SKI: variants seen among roughly 807,000 people sequenced by gnomAD.
The protein encoded by SKI is ski oncogene.
In SKI, 23 loss-of-function variants were observed where a neutral mutation model predicts 59.3. The observed-to-expected ratio is 0.39, with a 90% confidence interval of 0.28 to 0.55. The LOEUF is 0.55. SKI is among the 20% of genes least tolerant of loss of function. The pLI, the probability that SKI is intolerant of heterozygous loss-of-function variation, is 0.67. For synonymous variants in SKI, 673 were observed against 488.6 expected (o/e 1.38, Z -4.98); for missense variants, 1,017 against 1,038.9 (o/e 0.98, Z 0.29).
At position 2,263,724 on chromosome 1, in the gene SKI, C is replaced by T. The variant is rs894896769; in HGVS notation, c.969+33989C>T. On this transcript the variant is annotated intron_variant, in intron 1 of 6. Coordinates refer to ENST00000378536, the MANE Select transcript of SKI (RefSeq NM_003036.4). ...AAATGTTTGGTGGGGGGACTGGGCG[C>T]GGTGGCTCATGCCTGTAATCCCAGC... Among the ~76,000 whole-genome samples, 9 of 151,408 alleles carry T rather than the reference C, an allele frequency of 5.9e-5. 1 individual carries two copies. The East Asian group carries it at 9.8e-4, about 16-fold the overall frequency.
At position 2,228,578 on chromosome 1, in the gene SKI, C is replaced by T. The variant is rs908074340; in HGVS notation, c.-189C>T. 6.8e-6 allele frequency: 1 copy of T among 147,836 alleles called. No homozygotes were observed. Among genetic ancestry groups the T allele is most frequent in the Non-Finnish European group, 1.4e-5 (1 of 69,224 alleles). The allele number at this position is 147,836 out of a possible 1,614,324, so 9.2% of individuals were successfully genotyped here. The stretch of plus-strand genomic sequence containing the variant: ...CGGCGGCGGGCTCCAGCGGCGGGAC[C>T]CCTTCGCCCCGCCCGCCTTCCCCTT... On this transcript the variant is annotated 5_prime_UTR_variant, in exon 1 of 7. Coordinates refer to ENST00000378536, the MANE Select transcript of SKI (RefSeq NM_003036.4).
At position 2,307,169 on chromosome 1, in the gene SKI, G is replaced by A. The variant is rs577749264; in HGVS notation, c.*404G>A. Reference sequence around the variant, plus strand: ...TGACGCCATCTGAAGACCCGCAACGGAGTGGGGGTGGCGGCCGCCCCACCC... The same window carrying A: ...TGACGCCATCTGAAGACCCGCAACGAAGTGGGGGTGGCGGCCGCCCCACCC... On this transcript the variant is annotated 3_prime_UTR_variant, in exon 7 of 7. Coordinates refer to ENST00000378536, the MANE Select transcript of SKI (RefSeq NM_003036.4). 1 of 154,228 alleles carries A rather than the reference G, an allele frequency of 6.5e-6. No individual in the cohort carries two copies. Among genetic ancestry groups the A allele is most frequent in the South Asian group, 2.0e-4 (1 of 4,898 alleles). 9.6% of individuals were successfully genotyped at this position (154,228 alleles called of 1,614,324 possible).
In SKI at chr1:2,304,056, G is replaced by C. The variant is rs776816870; in HGVS notation, c.1428G>C (p.Glu476Asp). 4 of 1,612,504 alleles carry C rather than the reference G, an allele frequency of 2.5e-6. No individual in the cohort carries two copies. In the Admixed American group the frequency reaches 5.0e-5, roughly 20 times the overall value. ...ETLAPVAAPE[E>D]DKDSEAEVEV... ...TGGCGCCCGTGGCTGCCCCAGAGGA[G>C]GACAAGGACTCGGAGGCGGAGGTGG... Residue 476 changes from glutamate (E) to aspartate (D), a missense_variant, in exon 4 of 7, where the codon GAG (glutamate) becomes GAC (aspartate). Glu to Asp is a conservative substitution (Grantham distance 45). Transcript: ENST00000378536.
chr1:2,304,387 G>C lies in SKI; in HGVS notation c.1569G>C (p.Ser523=), dbSNP rs767052019. ...CCCCGGGTGCGCGTGCCCTGCCCTC[G>C]GCCGTCCCTGATGCTGCGGCCCCTG... ...LGSPGARALP[S]AVPDAAAPAD... is the part of the protein sequence containing the mutation. Residue 523 remains serine (S), a synonymous_variant, in exon 5 of 7, where the codon TCG becomes TCC. Coordinates refer to ENST00000378536, the MANE Select transcript of SKI (RefSeq NM_003036.4). 1.3e-6 allele frequency: 2 copies of C among 1,552,028 alleles called. No homozygotes were observed. Among genetic ancestry groups the C allele is most frequent in the African/African-American group, 1.4e-5 (1 of 73,180 alleles).
At chr1:2,287,490 C>T (rs921247518) in intron 1 of SKI, among the ~76,000 whole-genome samples, 9 of 151,972 alleles carry the variant, frequency 5.9e-5, no homozygotes, top group Admixed American at 5.2e-4. Flanking sequence ...GTGCCCGCCA[C>T]CACGCCCAGC....
chr1:2,228,776 G>T lies in SKI; in HGVS notation c.10G>T (p.Ala4Ser). 1 of 1,284,644 alleles carries T rather than the reference G, an allele frequency of 7.8e-7. No homozygotes were observed. Among genetic ancestry groups the T allele is most frequent in the South Asian group, 1.7e-5 (1 of 59,550 alleles). 79.6% of individuals were successfully genotyped at this position (1,284,644 alleles called of 1,614,324 possible). A position where few individuals can be genotyped will look rare whatever the true frequency, so the allele number is the denominator to read the frequency against. The change falls in exon 1 of 7, where the codon GCG becomes TCG. Residue 4 changes from alanine to serine, a missense_variant. Transcript: ENST00000378536. ...GGAGCCGGAGCGCACCATGGAGGCG[G>T]CGGCAGGCGGCCGCGGCTGTTTCCA... MEA[A>S]AGGRGCFQPH...
intron 1 of SKI, among the ~76,000 whole-genome samples, chr1:2,238,636 G>T (rs750426760): frequency 1.4e-4 from 21 of 152,338 alleles, no homozygotes; most frequent in Non-Finnish European, 2.2e-4. Context: ...AGGCGGGAGA[G>T]GAGCACACTG....
chr1:2,267,413 C>T lies in SKI; in HGVS notation c.970-35565C>T, dbSNP rs1034689914. On this transcript the variant is annotated intron_variant, in intron 1 of 6. Coordinates refer to ENST00000378536, the MANE Select transcript of SKI (RefSeq NM_003036.4). The surrounding 1 kb of genome is among the most constrained non-coding windows in gnomAD (Gnocchi z 4.1). ...GGTGTGTTGACAGGGCCGTTCGGGC[C>T]GGAGCAGGTGCGACAGGAATGTCCC... 6.6e-6 allele frequency among the ~76,000 whole-genome samples: 1 copy of T among 152,282 alleles called. No individual in the cohort carries two copies. The highest frequency in any genetic ancestry group is 1.5e-5 in the Non-Finnish European group (1 of 68,020).
chr1:2,229,207 C>T lies in SKI; in HGVS notation c.441C>T (p.His147=), dbSNP rs765800099. The part of the protein sequence containing the change: ...QQINAVCDEL[H]IYCSRCTADQ... ...TCAACGCGGTGTGCGACGAGCTCCA[C>T]ATCTACTGCTCGCGCTGCACGGCCG... The change falls in exon 1 of 7, where the codon CAC becomes CAT. Residue 147 remains histidine, a synonymous_variant. Coordinates refer to ENST00000378536, the MANE Select transcript of SKI (RefSeq NM_003036.4). The surrounding 1 kb of genome is among the most constrained non-coding windows in gnomAD (Gnocchi z 6.3). 6 of 1,610,052 alleles carry T rather than the reference C, an allele frequency of 3.7e-6. No homozygotes were observed. In the Middle Eastern group the frequency reaches 1.0e-3, roughly 267 times the overall value.
intron 1 of SKI, among the ~76,000 whole-genome samples, chr1:2,237,925 G>A (rs999294024): frequency 1.1e-4 from 17 of 152,198 alleles, no homozygotes; most frequent in Non-Finnish European, 5.9e-5. Context: ...TCCAGGACGG[G>A]TTACTTAAGG....
intron 1 of SKI, among the ~76,000 whole-genome samples, chr1:2,256,125 C>T (rs531216702): frequency 8.6e-5 from 13 of 151,442 alleles, no homozygotes; most frequent in South Asian, 6.3e-4. Flanking sequence ...TGTGTCCTGA[C>T]CTCTTTTCCA....
At position 2,303,632 on chromosome 1, in the gene SKI, T is replaced by A; in HGVS notation, c.1212-208T>A. On this transcript the variant is annotated intron_variant, in intron 3 of 6. Transcript: ENST00000378536. This position sits in a 1 kb window ranked among gnomAD's most constrained non-coding sequence, Gnocchi z 5.6. The stretch of plus-strand genomic sequence containing the variant: ...GCCCTGTCTGCTGGGCGCAGCTTCT[T>A]GATGTGTTGGCCTGTGTCTGGCCTT... The A allele has an allele frequency of 2.7e-6, 2 of 728,110 alleles. No individual in the cohort carries two copies. The highest frequency in any genetic ancestry group is 4.5e-6 in the Non-Finnish European group (2 of 443,938). The allele number at this position is 728,110 out of a possible 1,614,324, so 45.1% of individuals were successfully genotyped here. A position where few individuals can be genotyped will look rare whatever the true frequency, so the allele number is the denominator to read the frequency against.
At chr1:2,289,147 T>G (rs1308356390) in intron 1 of SKI, among the ~76,000 whole-genome samples, 2 of 151,956 alleles carry the variant, frequency 1.3e-5, no homozygotes, top group Non-Finnish European at 2.9e-5. Context: ...CGAGGAGCAG[T>G]GGTTGGTGAG....
chr1:2,272,517 C>T (rs1438547114), intron 1 of SKI, among the ~76,000 whole-genome samples: 1 of 152,192 alleles, frequency 6.6e-6, no homozygotes, highest in African/African-American at 2.4e-5. Context: ...GGCCTCCTTC[C>T]CCCACAGGCT....
chr1:2,280,416 G>A (rs1639848255), intron 1 of SKI, among the ~76,000 whole-genome samples: 1 of 152,058 alleles, frequency 6.6e-6, no homozygotes, highest in South Asian at 2.1e-4. Context: ...TCTCACAAGG[G>A]GGCTGCCCCT....
intron 1 of SKI, among the ~76,000 whole-genome samples, chr1:2,274,818 GC>G (rs1466343161): frequency 1.3e-5 from 2 of 152,230 alleles, no homozygotes; most frequent in Non-Finnish European, 2.9e-5. Flanking sequence ...GCCGGCTGCT[GC>G]CCCTTGCTGC....
At chr1:2,306,505 G>C (rs557127781) in intron 6 of SKI, 72 bp from the exon 7 acceptor site, 30 of 1,456,376 alleles carry the variant, frequency 2.1e-5, no homozygotes, top group Middle Eastern at 2.4e-4. Context: ...CAGGAGCCTC[G>C]GGTGGGGGAA....
At chr1:2,280,033 C>T (rs546760478) in intron 1 of SKI, among the ~76,000 whole-genome samples, 21 of 152,252 alleles carry the variant, frequency 1.4e-4, no homozygotes, top group South Asian at 8.3e-4. Flanking sequence ...CATGGGTGCG[C>T]GAAAATTCTG....
rs570031596 is a variant in SKI at position 2,309,671 on chromosome 1, C to A, written c.*2906C>A. The A allele has an allele frequency of 3.7e-4, 46 of 124,898 alleles. No individual in the cohort carries two copies. Among genetic ancestry groups the A allele is most frequent in the Non-Finnish European group, 1.7e-4 (10 of 58,972 alleles). 7.7% of individuals were successfully genotyped at this position (124,898 alleles called of 1,614,324 possible). ...CCTGTGGGTCTGAGCCCCGGCCCCC[C>A]CCACCTCCTCCTCCCTGTGGGTCCG... On this transcript the variant is annotated 3_prime_UTR_variant, in exon 7 of 7. Transcript: ENST00000378536.
Sources: gnomAD v4.1 joint callset for allele counts (sites outside exome capture counted in the v4.1 genomes callset) on GRCh38, gnomAD v4.1.1 for gene constraint, Gnocchi (gnomAD v3.1) non-coding constraint, MANE v1.5 for transcripts, NCBI Gene and HGNC (gene_info 2026-07-23, HGNC 2026-07-21) for gene names.